Variants in ALK observed in about 807,000 individuals in gnomAD.
The protein encoded by ALK is ALK tyrosine kinase receptor.
ALK carries 74 observed loss-of-function variants against 163.1 expected under a neutral mutation model. The observed-to-expected ratio is 0.45, with a 90% CI of 0.38 to 0.55. The LOEUF is 0.55. Among genes scored for constraint, ALK ranks in the 20% least tolerant of loss-of-function variants. The pLI, the probability that ALK is intolerant of heterozygous loss-of-function variation, is 0.00. For synonymous variants in ALK, 960 were observed against 843.2 expected (o/e 1.14, Z -2.40); for missense variants, 2,063 against 2,105.3 (o/e 0.98, Z 0.39).
chr2:29,395,631 A>T (rs1669284571), intron 4 of ALK, among the ~76,000 whole-genome samples: 2 of 152,228 alleles, frequency 1.3e-5, no homozygotes, highest in Admixed American at 6.5e-5. Context: ...CATAGAAATG[A>T]GAATTGTTGC....
chr2:29,235,919 A>G (rs1166247380), intron 13 of ALK, among the ~76,000 whole-genome samples: 2 of 122,524 alleles, frequency 1.6e-5, no homozygotes, highest in Non-Finnish European at 3.2e-5. Flanking sequence ...TGTTGCCCAG[A>G]CTGGTCTCTG....
At chr2:29,315,594 G>A (rs1666811198) in intron 8 of ALK, among the ~76,000 whole-genome samples, 1 of 152,142 alleles carries the variant, frequency 6.6e-6, no homozygotes, top group Non-Finnish European at 1.5e-5. Context: ...CAAGGATAGG[G>A]TTTAAAAATG....
At chr2:29,664,845 A>G (rs1194814960) in intron 3 of ALK, among the ~76,000 whole-genome samples, 3 of 152,190 alleles carry the variant, frequency 2.0e-5, no homozygotes, top group East Asian at 1.9e-4. Flanking sequence ...CATGATTACT[A>G]TAATAGTCTT....
intron 1 of ALK, among the ~76,000 whole-genome samples, chr2:29,792,408 C>G (rs1664210644): frequency 6.6e-6 from 1 of 151,978 alleles, no homozygotes; most frequent in Admixed American, 6.6e-5. Flanking sequence ...CTGGGGGCCA[C>G]TAGTTAAGTT....
chr2:29,788,122 C>T (rs983373681), intron 1 of ALK, among the ~76,000 whole-genome samples: 2 of 152,228 alleles, frequency 1.3e-5, no homozygotes, highest in Non-Finnish European at 2.9e-5. Context: ...TATGACCTGT[C>T]TATAAGGACA....
chr2:29,799,568 CT>C (rs1572388587), intron 1 of ALK, among the ~76,000 whole-genome samples: 1 of 152,120 alleles, frequency 6.6e-6, no homozygotes, highest in African/African-American at 2.4e-5. Flanking sequence ...ACCTATAGTC[CT>C]AGCTACTCAA....
At chr2:29,330,113 C>A (rs1667396055) in intron 5 of ALK, among the ~76,000 whole-genome samples, 1 of 152,166 alleles carries the variant, frequency 6.6e-6, no homozygotes, top group Non-Finnish European at 1.5e-5. Context: ...GCATTCTCTG[C>A]AAATACTAGT....
At chr2:29,808,072 C>CT (rs112002200) in intron 1 of ALK, among the ~76,000 whole-genome samples, 88 of 152,164 alleles carry the variant, frequency 5.8e-4, no homozygotes, top group African/African-American at 1.9e-3. Context: ...CATTTTATCT[C>CT]TTTTTTTAAT....
chr2:29,600,923 C>A (rs1675364826), intron 3 of ALK, among the ~76,000 whole-genome samples: 1 of 152,290 alleles, frequency 6.6e-6, no homozygotes, highest in African/African-American at 2.4e-5. Flanking sequence ...AATTTCTTAA[C>A]AGCCCAGCTC....
chr2:29,897,706 T>C (rs1185835015), intron 1 of ALK, among the ~76,000 whole-genome samples: 4 of 152,200 alleles, frequency 2.6e-5, no homozygotes, highest in African/African-American at 9.7e-5. Context: ...TTTTTATAAT[T>C]GTGTAACTCA....
At chr2:29,903,023 T>A (rs1405322692) in intron 1 of ALK, among the ~76,000 whole-genome samples, 1 of 152,202 alleles carries the variant, frequency 6.6e-6, no homozygotes, top group African/African-American at 2.4e-5. Context: ...TAAATGAAGA[T>A]CATGAAACTA....
intron 2 of ALK, among the ~76,000 whole-genome samples, chr2:29,700,370 C>T (rs1291586653): frequency 6.6e-6 from 1 of 152,134 alleles, no homozygotes; most frequent in Non-Finnish European, 1.5e-5. Context: ...AATGGAGAAA[C>T]CCTGTCTCTA....
At chr2:29,436,518 T>G (rs1670401192) in intron 4 of ALK, among the ~76,000 whole-genome samples, 1 of 152,222 alleles carries the variant, frequency 6.6e-6, no homozygotes, top group African/African-American at 2.4e-5. Flanking sequence ...TAAATTAATC[T>G]GATTCAACTG....
rs993592372 is a variant in ALK at position 29,592,396 on chromosome 2, T to C, written c.953-60280A>G. Among the ~76,000 whole-genome samples the C allele has an allele frequency of 2.0e-5, 3 of 152,160 alleles. No individual in the cohort carries two copies. In the East Asian group the frequency reaches 5.8e-4, roughly 29 times the overall value. On this transcript the variant is annotated intron_variant, in intron 3 of 28. Coordinates refer to ENST00000389048, the MANE Select transcript of ALK (RefSeq NM_004304.5). The stretch of plus-strand genomic sequence containing the variant: ...GACCACACCAGCCCTCTCTGCTCCT[T>C]AGTCCATGCTGGCTCAAGCAGGCTG...
chr2:29,193,523 T>C lies in ALK; in HGVS notation c.4564A>G (p.Ile1522Val). 1 of 1,614,176 alleles carries C rather than the reference T, an allele frequency of 6.2e-7. No individual in the cohort carries two copies. The highest frequency in any genetic ancestry group is 8.5e-7 in the Non-Finnish European group (1 of 1,180,034). ...TEKPTKKNNP[I>V]AKKEPHDRGN... ...CTGTCGTGTGGCTCCTTCTTTGCTA[T>C]AGGATTATTCTTTTTGGTGGGTTTC... is the stretch of plus-strand genomic sequence containing the variant. Residue 1522 changes from isoleucine (I) to valine (V), a missense_variant, in exon 29 of 29, where the codon ATA becomes GTA. Around this residue, in one of 5 missense-constraint regions of ALK, gnomAD observed 403 missense variants for 366.2 expected, o/e 1.10. Transcript: ENST00000389048.
chr2:29,312,017 T>C (rs1666711587), intron 8 of ALK, among the ~76,000 whole-genome samples: 1 of 151,776 alleles, frequency 6.6e-6, no homozygotes, highest in Non-Finnish European at 1.5e-5. Flanking sequence ...TGTTAAAGCA[T>C]AAACTTCCTC....
rs116197204 is a variant in ALK, at chr2:29,236,117, C to T, written c.2356-2421G>A. On this transcript the variant is annotated intron_variant, in intron 13 of 28. Coordinates refer to ENST00000389048, the MANE Select transcript of ALK (RefSeq NM_004304.5). Reference sequence around the variant, plus strand: ...CAGCCTTCTCAAAGTGCTGGGATTACGGGCATGAGCCATCACACCCTGCTC... The same window carrying T: ...CAGCCTTCTCAAAGTGCTGGGATTATGGGCATGAGCCATCACACCCTGCTC... Among the ~76,000 whole-genome samples the T allele has an allele frequency of 5.7e-3, 863 of 151,592 alleles. 5 individuals carry two copies. Among genetic ancestry groups the T allele is most frequent in the Non-Finnish European group, 8.7e-3 (593 of 67,916 alleles).
At chr2:29,832,372 G>A (rs529604356) in intron 1 of ALK, among the ~76,000 whole-genome samples, 3 of 152,312 alleles carry the variant, frequency 2.0e-5, no homozygotes, top group South Asian at 2.1e-4. Flanking sequence ...TCAGAACTAG[G>A]GAACTGAGGT....
intron 4 of ALK, among the ~76,000 whole-genome samples, chr2:29,440,457 C>T (rs537196680): frequency 6.6e-6 from 1 of 151,852 alleles, no homozygotes; most frequent in Admixed American, 6.6e-5. Context: ...GCTGGGATTA[C>T]AGGCATCTGC....
Sources: allele counts gnomAD v4.1 joint callset (sites outside exome capture counted in the v4.1 genomes callset), GRCh38; gene constraint gnomAD v4.1.1; regional missense constraint gnomAD v4.1.1; transcripts MANE v1.5; gene names NCBI Gene and HGNC (gene_info 2026-07-23, HGNC 2026-07-21).